Variants in IFT25 observed in about 807,000 individuals in gnomAD.
IFT25 encodes intraflagellar transport protein 25 homolog.
chr1:53,920,381 G>C, the IFT25 span, among the ~76,000 whole-genome samples: 1 of 146,940 alleles, frequency 6.8e-6, no homozygotes. Context: ...TTTTTTTCCT[G>C]CTCAAATTGC....
chr1:53,938,633 T>A, the IFT25 span, among the ~76,000 whole-genome samples: 3,072 of 152,292 alleles, frequency 0.02, 101 homozygotes, highest in African/African-American at 0.07. Context: ...AGACCTCTCT[T>A]ACCACAAGTC....
the IFT25 span, among the ~76,000 whole-genome samples, chr1:53,942,124 C>T: frequency 6.6e-5 from 10 of 152,202 alleles, no homozygotes; most frequent in South Asian, 1.9e-3. Flanking sequence ...AGCTGATATG[C>T]TAGGTGACAG....
chr1:53,942,055 A>G, the IFT25 span, among the ~76,000 whole-genome samples: 3 of 152,240 alleles, frequency 2.0e-5, no homozygotes, highest in Non-Finnish European at 2.9e-5. Context: ...CAACATTTTT[A>G]TTAATTAAGG....
the IFT25 span, among the ~76,000 whole-genome samples, chr1:53,943,099 C>A: frequency 6.6e-6 from 1 of 151,980 alleles, no homozygotes; most frequent in Non-Finnish European, 1.5e-5. Flanking sequence ...CCTCCTGGGG[C>A]GTGAACTGGA....
chr1:53,915,952 A>G, the IFT25 span, among the ~76,000 whole-genome samples: 39 of 152,348 alleles, frequency 2.6e-4, no homozygotes, highest in African/African-American at 9.1e-4. Context: ...TGGGAGGCCA[A>G]GGTAGGAGGA....
the IFT25 span, chr1:53,924,016 A>C: frequency 1.0e-6 from 1 of 952,532 alleles, no homozygotes; most frequent in Non-Finnish European, 1.7e-6. Context: ...ATTGAAATTT[A>C]TGTTCAGCAA....
chr1:53,919,137 C>A, the IFT25 span, among the ~76,000 whole-genome samples: 141 of 140,086 alleles, frequency 1.0e-3, no homozygotes, highest in Non-Finnish European at 1.7e-3. Context: ...CCGTGCTTGG[C>A]CCTTTTTTTC....
the IFT25 span, among the ~76,000 whole-genome samples, chr1:53,944,147 CAG>C: frequency 2.6e-5 from 4 of 152,200 alleles, no homozygotes; most frequent in Non-Finnish European, 5.9e-5. Flanking sequence ...GTAGAAACGG[CAG>C]AGACTTGGTT....
the IFT25 span, among the ~76,000 whole-genome samples, chr1:53,939,275 C>T: frequency 9.9e-5 from 15 of 151,130 alleles, no homozygotes; most frequent in Non-Finnish European, 2.1e-4. Flanking sequence ...CCTGTAGTCC[C>T]AGCTACTCAA....
the IFT25 span, chr1:53,924,053 C>A: frequency 2.7e-6 from 2 of 748,496 alleles, no homozygotes; most frequent in East Asian, 2.5e-5. Context: ...AATTATGAGA[C>A]CAGGTTTGAA....
the IFT25 span, among the ~76,000 whole-genome samples, chr1:53,918,236 A>T: frequency 6.6e-6 from 1 of 152,262 alleles, no homozygotes; most frequent in Non-Finnish European, 1.5e-5. Context: ...TGATACAAAT[A>T]CTTTAAAGTA....
the IFT25 span, among the ~76,000 whole-genome samples, chr1:53,927,530 CTT>C: frequency 6.6e-6 from 1 of 152,168 alleles, no homozygotes; most frequent in Non-Finnish European, 1.5e-5. Context: ...GCAGTTGTCT[CTT>C]GAGGGTTGTG....
the IFT25 span, among the ~76,000 whole-genome samples, chr1:53,943,859 C>G: frequency 6.6e-5 from 10 of 152,098 alleles, no homozygotes; most frequent in African/African-American, 2.4e-4. Context: ...TGAGCTCAAG[C>G]GATCCGCCTG....
chr1:53,931,097 G>A, the IFT25 span, among the ~76,000 whole-genome samples: 20 of 152,188 alleles, frequency 1.3e-4, no homozygotes, highest in Non-Finnish European at 2.5e-4. Context: ...TTTCCTTCCA[G>A]ACAATCCCTA....
At chr1:53,937,532 T>C in the IFT25 span, among the ~76,000 whole-genome samples, 1 of 152,236 alleles carries the variant, frequency 6.6e-6, no homozygotes, top group Non-Finnish European at 1.5e-5. Flanking sequence ...AATTACATTA[T>C]TCCATGTTTT....
At chr1:53,937,778 T>G in the IFT25 span, among the ~76,000 whole-genome samples, 1,074 of 152,332 alleles carry the variant, frequency 7.1e-3, 13 homozygotes, top group African/African-American at 0.025. Flanking sequence ...AAGTCCTCTA[T>G]TTCTGGCAAA....
the IFT25 span, chr1:53,945,444 A>ACCACCCCTCCACTGTTGCTCCCTTC: frequency 1.3e-5 from 2 of 150,776 alleles, no homozygotes. Context: ...GCGTCTCTTC[A>ACCACCCCTCCACTGTTGCTCCCTTC]CCACCCCTCC....
chr1:53,928,749 A>G, the IFT25 span: 1 of 278,658 alleles, frequency 3.6e-6, no homozygotes, highest in East Asian at 7.1e-5. Context: ...CTTGGTCATA[A>G]ACATTTATGG....
chr1:53,927,680 T>C, the IFT25 span, among the ~76,000 whole-genome samples: 1 of 152,230 alleles, frequency 6.6e-6, no homozygotes, highest in East Asian at 1.9e-4. Context: ...ATACTTCCCA[T>C]GGCACCTGTT....
Sources: allele counts gnomAD v4.1 joint callset (sites outside exome capture counted in the v4.1 genomes callset), GRCh38; gene constraint gnomAD v4.1.1; transcripts MANE v1.5; gene names NCBI Gene and HGNC (gene_info 2026-07-23, HGNC 2026-07-21).